SHC2: variants seen among roughly 807,000 people sequenced by gnomAD.
SHC2 encodes SHC-transforming protein 2.
A neutral mutation model predicts 60.6 loss-of-function variants in SHC2; 62 were observed. The ratio of observed to expected loss-of-function variants is 1.02; its 90% confidence interval spans 0.83 to 1.26. The LOEUF is 1.26. Among genes scored for constraint, SHC2 ranks in the 50% most tolerant of loss-of-function variants. The pLI, the probability that SHC2 is intolerant of heterozygous loss-of-function variation, is 0.00. For synonymous variants in SHC2, 375 were observed against 372.4 expected, an observed-to-expected ratio of 1.01 and a Z score of -0.08; for missense variants, 873 against 822.2, an observed-to-expected ratio of 1.06 and a Z score of -0.76.
In SHC2 at chr19:434,750, G is replaced by A; in HGVS notation, c.1069C>T (p.Leu357=). The change falls in exon 8 of 13, where the codon CTG becomes TTG. Residue 357 remains leucine, a synonymous_variant. Coordinates refer to ENST00000264554, the MANE Select transcript of SHC2 (RefSeq NM_012435.3). The stretch of plus-strand genomic sequence containing the variant: ...AGGGCGCAGGGCTGTGTCAGGGCCA[G>A]CCTGGAGTCCACTAGCCCGCCCAGC... ...PPLGGLVDSR[L]ALTQPCALTA... 1 of 1,612,624 alleles carries A rather than the reference G, an allele frequency of 6.2e-7. No homozygotes were observed.
At chr19:436,518 G>T in intron 5 of SHC2, 87 bp from the exon 6 acceptor site, 1 of 1,585,516 alleles carries the variant, frequency 6.3e-7, no homozygotes, top group Non-Finnish European at 8.6e-7. Flanking sequence ...GAGAGATGGG[G>T]CAGTGGATGT....
Position 441,524 on chromosome 19 carries a change from G to A in SHC2, c.469-592C>T, listed in dbSNP as rs1974869148. Among the ~76,000 whole-genome samples the A allele has an allele frequency of 6.6e-6, 1 of 152,190 alleles. No homozygotes were observed. On this transcript the variant is annotated intron_variant, in intron 1 of 12. Coordinates refer to ENST00000264554, the MANE Select transcript of SHC2 (RefSeq NM_012435.3). This position sits in a 1 kb window ranked among gnomAD's most constrained non-coding sequence, Gnocchi z 4.9. ...CTGACCTGCTTCAGTGCCGTAAAGG[G>A]TGGGGGAACAGGGCCAGGAGGCGAA...
intron 11 of SHC2, 45 bp from the exon 12 acceptor site, chr19:419,101 G>C (rs1316223691): frequency 6.5e-7 from 1 of 1,534,500 alleles, no homozygotes. Context: ...AGCCCGCCTG[G>C]ACCCGTGGAG....
intron 1 of SHC2, among the ~76,000 whole-genome samples, chr19:449,300 G>C (rs926057648): frequency 1.3e-5 from 2 of 151,644 alleles, no homozygotes; most frequent in Non-Finnish European, 2.9e-5. Flanking sequence ...GGAGGTTGCA[G>C]TGAGCTGAGA....
At position 422,313 on chromosome 19, in the gene SHC2, C is replaced by G; in HGVS notation, c.1453G>C (p.Glu485Gln). The G allele has an allele frequency of 6.2e-7, 1 of 1,611,524 alleles. No homozygotes were observed. Among genetic ancestry groups the G allele is most frequent in the South Asian group, 1.1e-5 (1 of 90,736 alleles). The change falls in exon 11 of 13, where the codon GAG becomes CAG. Residue 485 changes from glutamate (E) to glutamine (Q), a missense_variant. Glu to Gln is a conservative substitution (Grantham distance 29, BLOSUM62 2). Coordinates refer to ENST00000264554, the MANE Select transcript of SHC2 (RefSeq NM_012435.3). This position sits in a 1 kb window ranked among gnomAD's most constrained non-coding sequence, Gnocchi z 5.0. ...VAPTEEQLRQEPWYHGRMSRR... is the reference protein window; with the variant it reads ...VAPTEEQLRQQPWYHGRMSRR... ...CTCATCCGGCCGTGGTACCAGGGCT[C>G]CTGACGCAGCTGTTCCTCCGTGGGG...
chr19:426,866 G>A (rs1568283107), intron 9 of SHC2, among the ~76,000 whole-genome samples: 1 of 152,120 alleles, frequency 6.6e-6, no homozygotes, highest in South Asian at 2.1e-4. Context: ...CAGAGTCCGG[G>A]GAGGGAGGAC....
intron 5 of SHC2, 72 bp from the exon 6 acceptor site, chr19:436,503 A>T: frequency 6.3e-7 from 1 of 1,588,434 alleles, no homozygotes; most frequent in Non-Finnish European, 8.6e-7. Context: ...CACCCCAGCA[A>T]TGCAGAGAGA....
chr19:425,097 G>A lies in SHC2; in HGVS notation c.1309C>T (p.Arg437Ter), dbSNP rs372424846. 21 of 1,396,124 alleles carry A rather than the reference G, an allele frequency of 1.5e-5. No homozygotes were observed. The highest frequency in any genetic ancestry group is 5.5e-5 in the East Asian group (2 of 36,346). The allele number at this position is 1,396,124 out of a possible 1,614,324, so 86.5% of individuals were successfully genotyped here. A position where few individuals can be genotyped will look rare whatever the true frequency, so the allele number is the denominator to read the frequency against. ...DSPKKDLFDMRPFEDALKLHE... is the reference protein window; with the variant it reads ...DSPKKDLFDM The stretch of plus-strand genomic sequence containing the variant: ...GGCCGCCCCCCAGGCTGCCACATAC[G>A]CATGTCAAACAGATCCTTTTTGGGG... The change falls in exon 10 of 13, where the codon CGA becomes TGA. Residue 437 changes from arginine (R) to a stop codon, truncating the protein, a stop_gained and splice_region_variant. Coordinates refer to ENST00000264554, the MANE Select transcript of SHC2 (RefSeq NM_012435.3). LOFTEE classifies it high-confidence loss of function. The surrounding 1 kb of genome is among the most constrained non-coding windows in gnomAD (Gnocchi z 4.1).
intron 1 of SHC2, among the ~76,000 whole-genome samples, chr19:456,266 G>C (rs1975340465): frequency 6.6e-6 from 1 of 152,154 alleles, no homozygotes; most frequent in African/African-American, 2.4e-5. Flanking sequence ...CTGTCCCTGT[G>C]CCTGCTGTGA....
chr19:448,884 G>C (rs1481161934), intron 1 of SHC2, among the ~76,000 whole-genome samples: 3 of 152,150 alleles, frequency 2.0e-5, no homozygotes, highest in Admixed American at 2.0e-4. Context: ...CGGGGCAAGT[G>C]GCTCACGCCT....
intron 1 of SHC2, among the ~76,000 whole-genome samples, chr19:444,737 C>T (rs60433674): frequency 1.3e-5 from 2 of 152,172 alleles, no homozygotes; most frequent in Non-Finnish European, 2.9e-5. Context: ...GCTGCGGACA[C>T]GCTGTGCACA....
At chr19:428,092 A>T (rs189758295) in intron 9 of SHC2, among the ~76,000 whole-genome samples, 2 of 152,288 alleles carry the variant, frequency 1.3e-5, no homozygotes, top group Non-Finnish European at 2.9e-5. Flanking sequence ...GGGTGCAGTG[A>T]CGCACGCCTG....
At position 446,291 on chromosome 19, in the gene SHC2, G is replaced by A. The variant is rs2145740053; in HGVS notation, c.469-5359C>T. Among the ~76,000 whole-genome samples, 1 of 152,170 alleles carries A rather than the reference G, an allele frequency of 6.6e-6. No homozygotes were observed. The highest frequency in any genetic ancestry group is 1.5e-5 in the Non-Finnish European group (1 of 67,992). On this transcript the variant is annotated intron_variant, in intron 1 of 12. Coordinates refer to ENST00000264554, the MANE Select transcript of SHC2 (RefSeq NM_012435.3). The surrounding 1 kb of genome is among the most constrained non-coding windows in gnomAD (Gnocchi z 5.4). ...AACAAGTCTATGTTTGTGTGTGTGT[G>A]TGTTTTGTTTTGTTTTTGGGGTTTT...
chr19:447,422 C>T (rs950857583), intron 1 of SHC2, among the ~76,000 whole-genome samples: 1 of 152,246 alleles, frequency 6.6e-6, no homozygotes, highest in Non-Finnish European at 1.5e-5. Context: ...GCACTAAATA[C>T]ACCGCCCTGC....
intron 1 of SHC2, among the ~76,000 whole-genome samples, chr19:444,918 C>A (rs74609243): frequency 0.043 from 6,481 of 152,310 alleles, 270 homozygotes; most frequent in East Asian, 0.19. Context: ...GGGAAACAGG[C>A]CCGGGTGGGA....
chr19:455,487 A>G (rs1010039727), intron 1 of SHC2, among the ~76,000 whole-genome samples: 3 of 152,234 alleles, frequency 2.0e-5, no homozygotes, highest in Non-Finnish European at 2.9e-5. Context: ...GATGCTGCCC[A>G]CGGCGCTCGG....
At chr19:456,991 G>A (rs1287014933) in intron 1 of SHC2, among the ~76,000 whole-genome samples, 1 of 141,638 alleles carries the variant, frequency 7.1e-6, no homozygotes, top group Non-Finnish European at 1.5e-5. Flanking sequence ...CTTTGCACCT[G>A]CAGCTGCTGT....
chr19:455,892 G>A (rs954329958), intron 1 of SHC2, among the ~76,000 whole-genome samples: 2 of 152,104 alleles, frequency 1.3e-5, no homozygotes, highest in African/African-American at 4.8e-5. Flanking sequence ...TCTCAGGGTT[G>A]CTCACTCGGT....
In SHC2 at chr19:422,534, G is replaced by C; in HGVS notation, c.1310-78C>G. The C allele has an allele frequency of 7.9e-7, 1 of 1,271,396 alleles. No homozygotes were observed. The highest frequency in any genetic ancestry group is 1.6e-5 in the South Asian group (1 of 64,022). 78.8% of individuals were successfully genotyped at this position (1,271,396 alleles called of 1,614,324 possible). A position where few individuals can be genotyped will look rare whatever the true frequency, so the allele number is the denominator to read the frequency against. The stretch of plus-strand genomic sequence containing the variant: ...TGCCGGGACCAGAGCTGGGAGAAAC[G>C]GGTTCCCCGGGGAGTCCCTCGTGCA... On this transcript the variant is annotated intron_variant, in intron 10 of 12. Transcript: ENST00000264554. The surrounding 1 kb of genome is among the most constrained non-coding windows in gnomAD (Gnocchi z 5.0).
Sources: gnomAD v4.1 joint callset for allele counts (sites outside exome capture counted in the v4.1 genomes callset) on GRCh38, gnomAD v4.1.1 for gene constraint, Gnocchi (gnomAD v3.1) non-coding constraint, MANE v1.5 for transcripts, NCBI Gene and HGNC (gene_info 2026-07-23, HGNC 2026-07-21) for gene names.